Variants in RABGAP1L observed in about 807,000 individuals in gnomAD.
RABGAP1L encodes RAB GTPase activating protein 1 like.
Under a neutral mutation model 137.7 loss-of-function variants are expected in RABGAP1L, and 63 were observed. The observed-to-expected ratio is 0.46, with a 90% CI of 0.37 to 0.56. The LOEUF (loss-of-function observed/expected upper bound fraction) is 0.56. RABGAP1L is among the 20% of genes least tolerant of loss of function. The pLI, the probability that RABGAP1L is intolerant of heterozygous loss-of-function variation, is 0.00. For missense variants in RABGAP1L, 1,095 were observed against 1,244.0 expected (o/e 0.88, Z 1.80); for synonymous variants, 431 against 433.7 (o/e 0.99, Z 0.08).
intron 13 of RABGAP1L, among the ~76,000 whole-genome samples, chr1:174,432,308 T>TAGTATC (rs1344711331): frequency 1.3e-5 from 2 of 152,188 alleles, no homozygotes; most frequent in Non-Finnish European, 2.9e-5. Flanking sequence ...TATGGCTGTG[T>TAGTATC]AGTATCGCAT....
At chr1:174,614,731 T>C (rs1671630589) in intron 13 of RABGAP1L, among the ~76,000 whole-genome samples, 1 of 152,242 alleles carries the variant, frequency 6.6e-6, no homozygotes, top group African/African-American at 2.4e-5. Context: ...GACGTAGATT[T>C]GGTCTTTTCA....
chr1:174,400,737 T>A (rs1648474236), intron 13 of RABGAP1L, among the ~76,000 whole-genome samples: 2 of 152,042 alleles, frequency 1.3e-5, no homozygotes, highest in Admixed American at 6.6e-5. Flanking sequence ...CCATTAAGAA[T>A]TAGTACCCTA....
chr1:174,971,730 A>G (rs1290964371), intron 21 of RABGAP1L, among the ~76,000 whole-genome samples: 1 of 151,954 alleles, frequency 6.6e-6, no homozygotes, highest in Non-Finnish European at 1.5e-5. Flanking sequence ...TCTTCTAGGA[A>G]GGGCCCTAGC....
intron 11 of RABGAP1L, among the ~76,000 whole-genome samples, chr1:174,313,341 G>A (rs1679044151): frequency 6.6e-6 from 1 of 152,288 alleles, no homozygotes; most frequent in Admixed American, 6.5e-5. Flanking sequence ...TGAATTTGTT[G>A]ATGAGTTTTA....
At chr1:174,283,116 G>A (rs1675720742) in intron 10 of RABGAP1L, among the ~76,000 whole-genome samples, 1 of 152,118 alleles carries the variant, frequency 6.6e-6, no homozygotes, top group African/African-American at 2.4e-5. Context: ...AAAAATGCAT[G>A]CCCAGGCTGG....
intron 11 of RABGAP1L, among the ~76,000 whole-genome samples, chr1:174,364,802 G>T (rs1185948993): frequency 6.6e-6 from 1 of 152,164 alleles, no homozygotes. Context: ...ATGGGTATCA[G>T]TGGTGGTTGT....
At chr1:174,878,937 T>G (rs1166120418) in intron 19 of RABGAP1L, among the ~76,000 whole-genome samples, 5 of 138,500 alleles carry the variant, frequency 3.6e-5, no homozygotes, top group East Asian at 2.0e-4. Flanking sequence ...TTTTTTTTTT[T>G]TTTTTTTTTT....
rs1291196321 is a variant in RABGAP1L at position 174,448,002 on chromosome 1, C to G, written c.1710+53857C>G. 6 of 843,424 alleles carry G rather than the reference C, an allele frequency of 7.1e-6. No individual in the cohort carries two copies. Among genetic ancestry groups the G allele is most frequent in the Non-Finnish European group, 1.1e-5 (6 of 527,444 alleles). 52.2% of individuals were successfully genotyped at this position (843,424 alleles called of 1,614,324 possible). Reference sequence around the variant, plus strand: ...CTCAGCTGTGACAGAAGCACTGACACTGTCTACTGAAGCAGGTTCTGAAAC... The same window carrying G: ...CTCAGCTGTGACAGAAGCACTGACAGTGTCTACTGAAGCAGGTTCTGAAAC... On this transcript the variant is annotated intron_variant, in intron 13 of 25. Coordinates refer to ENST00000681986, the MANE Select transcript of RABGAP1L (RefSeq NM_001366446.1). This position sits in a 1 kb window ranked among gnomAD's most constrained non-coding sequence, Gnocchi z 4.2.
At chr1:174,684,628 C>A (rs1355970067) in intron 15 of RABGAP1L, among the ~76,000 whole-genome samples, 1 of 152,034 alleles carries the variant, frequency 6.6e-6, no homozygotes, top group Admixed American at 6.6e-5. Flanking sequence ...TCTTTTCATA[C>A]CTGTGTAAAG....
chr1:174,688,820 A>G (rs1678659588), intron 15 of RABGAP1L, among the ~76,000 whole-genome samples: 1 of 152,146 alleles, frequency 6.6e-6, no homozygotes, highest in Admixed American at 6.6e-5. Context: ...ATTTAGTTTA[A>G]AAAAAGCAAA....
At chr1:174,685,504 C>A (rs1445653897) in intron 15 of RABGAP1L, among the ~76,000 whole-genome samples, 2 of 152,078 alleles carry the variant, frequency 1.3e-5, no homozygotes, top group Admixed American at 1.3e-4. Context: ...CCACCTGCCT[C>A]AGCCTCCCAA....
At chr1:174,204,104 C>T (rs967136802) in intron 1 of RABGAP1L, among the ~76,000 whole-genome samples, 4 of 152,102 alleles carry the variant, frequency 2.6e-5, no homozygotes, top group Non-Finnish European at 5.9e-5. Flanking sequence ...GCATGTGCCA[C>T]CATGCCCAGC....
intron 13 of RABGAP1L, among the ~76,000 whole-genome samples, chr1:174,484,634 A>G (rs144619596): frequency 6.6e-6 from 1 of 152,354 alleles, no homozygotes; most frequent in Non-Finnish European, 1.5e-5. Flanking sequence ...TCCCAACAAC[A>G]TTTATTGAAG....
At chr1:174,232,192 A>G (rs1670721471) in intron 4 of RABGAP1L, among the ~76,000 whole-genome samples, 1 of 152,158 alleles carries the variant, frequency 6.6e-6, no homozygotes, top group South Asian at 2.1e-4. Context: ...ACATTACCTC[A>G]GCTGAACCTT....
chr1:174,320,643 A>C (rs1448997870), intron 11 of RABGAP1L, among the ~76,000 whole-genome samples: 2 of 152,078 alleles, frequency 1.3e-5, no homozygotes, highest in Non-Finnish European at 2.9e-5. Flanking sequence ...ATAATTTCTT[A>C]TGCCTGTCTT....
At chr1:174,690,768 T>G (rs955326583) in intron 15 of RABGAP1L, among the ~76,000 whole-genome samples, 3 of 151,656 alleles carry the variant, frequency 2.0e-5, no homozygotes, top group African/African-American at 7.3e-5. Flanking sequence ...CTTTTTAATA[T>G]GTAAACAAAA....
At chr1:174,595,509 A>G (rs1457552479) in intron 13 of RABGAP1L, among the ~76,000 whole-genome samples, 1 of 73,964 alleles carries the variant, frequency 1.4e-5, no homozygotes, top group African/African-American at 6.4e-5. Flanking sequence ...GTCTTTGATG[A>G]TGGTGATGTA....
chr1:174,653,875 C>T (rs1001880481), intron 14 of RABGAP1L, among the ~76,000 whole-genome samples: 3 of 152,090 alleles, frequency 2.0e-5, no homozygotes, highest in Non-Finnish European at 2.9e-5. Context: ...ATATAATTAG[C>T]TCTGTGAATT....
intron 19 of RABGAP1L, among the ~76,000 whole-genome samples, chr1:174,899,316 TGGA>T (rs964475581): frequency 1.5e-4 from 23 of 152,306 alleles, no homozygotes; most frequent in African/African-American, 5.5e-4. Flanking sequence ...AAAATTAGGC[TGGA>T]GAAGACGTTA....
Sources: allele counts gnomAD v4.1 joint callset (sites outside exome capture counted in the v4.1 genomes callset), GRCh38; gene constraint gnomAD v4.1.1; non-coding constraint Gnocchi (gnomAD v3.1); transcripts MANE v1.5; gene names NCBI Gene and HGNC (gene_info 2026-07-23, HGNC 2026-07-21).